Variants in SLC38A12 observed in about 807,000 individuals in gnomAD.
SLC38A12 encodes the protein putative sodium-coupled neutral amino acid transporter 12.
the SLC38A12 span, among the ~76,000 whole-genome samples, chr17:74,811,038 A>T: frequency 1.3e-4 from 20 of 152,248 alleles, no homozygotes; most frequent in African/African-American, 4.3e-4. Context: ...TCAAATAAGA[A>T]TAGTACTGGG....
At chr17:74,819,493 C>T in the SLC38A12 span, among the ~76,000 whole-genome samples, 3 of 152,342 alleles carry the variant, frequency 2.0e-5, no homozygotes, top group East Asian at 5.8e-4. Context: ...ACACCTGGGC[C>T]TTGCCTAGGA....
At chr17:74,801,064 G>A in the SLC38A12 span, among the ~76,000 whole-genome samples, 7 of 152,182 alleles carry the variant, frequency 4.6e-5, no homozygotes, top group African/African-American at 9.7e-5. Flanking sequence ...GCCTGGAGGG[G>A]GAAGGGTGTT....
At chr17:74,813,855 T>C in the SLC38A12 span, among the ~76,000 whole-genome samples, 8 of 152,182 alleles carry the variant, frequency 5.3e-5, no homozygotes, top group African/African-American at 1.9e-4. Flanking sequence ...TTCCCCTTTT[T>C]TGAGGGAACT....
chr17:74,823,369 G>T, the SLC38A12 span, among the ~76,000 whole-genome samples: 4 of 152,266 alleles, frequency 2.6e-5, no homozygotes, highest in Non-Finnish European at 5.9e-5. Context: ...GGAGACTGCA[G>T]GCCCTGGAGC....
chr17:74,793,158 G>A, the SLC38A12 span, among the ~76,000 whole-genome samples: 2 of 152,200 alleles, frequency 1.3e-5, no homozygotes, highest in African/African-American at 2.4e-5. Flanking sequence ...CACACTTAAA[G>A]GGAGTCTCCT....
At chr17:74,790,754 A>G in the SLC38A12 span, among the ~76,000 whole-genome samples, 3 of 146,894 alleles carry the variant, frequency 2.0e-5, no homozygotes, top group Non-Finnish European at 1.5e-5. Context: ...CCCCAGCAGG[A>G]GCATCTCTGA....
At chr17:74,795,492 G>A in the SLC38A12 span, 1 of 1,604,482 alleles carries the variant, frequency 6.2e-7, no homozygotes, top group South Asian at 1.1e-5. Context: ...CGGCCTCGCT[G>A]AGCCTGGGCC....
the SLC38A12 span, among the ~76,000 whole-genome samples, chr17:74,792,568 G>A: frequency 1.5e-3 from 229 of 152,274 alleles, 1 homozygote; most frequent in African/African-American, 5.3e-3. Context: ...AACTGTCTTC[G>A]AAGATTTTCT....
chr17:74,803,342 C>T, the SLC38A12 span, among the ~76,000 whole-genome samples: 75 of 152,244 alleles, frequency 4.9e-4, no homozygotes, highest in African/African-American at 1.7e-3. Flanking sequence ...ATAGGCAGCC[C>T]ACCTGAAAGC....
chr17:74,805,999 C>T, the SLC38A12 span, among the ~76,000 whole-genome samples: 1 of 152,302 alleles, frequency 6.6e-6, no homozygotes, highest in South Asian at 2.1e-4. The surrounding 1 kb of genome is among the most constrained non-coding windows in gnomAD (Gnocchi z 5.0). Flanking sequence ...GAGACGCAAG[C>T]GGCCTCATGG....
the SLC38A12 span, among the ~76,000 whole-genome samples, chr17:74,824,199 G>A: frequency 4.1e-4 from 63 of 152,334 alleles, no homozygotes; most frequent in South Asian, 3.7e-3. Context: ...GCTGTGGTGC[G>A]TGGAGAGGAG....
chr17:74,815,855 T>C, the SLC38A12 span, among the ~76,000 whole-genome samples: 1 of 152,214 alleles, frequency 6.6e-6, no homozygotes, highest in Non-Finnish European at 1.5e-5. Flanking sequence ...AGGCTCCAGT[T>C]AGTGACTGAG....
the SLC38A12 span, among the ~76,000 whole-genome samples, chr17:74,812,036 A>C: frequency 1.5e-5 from 2 of 136,542 alleles, no homozygotes; most frequent in African/African-American, 6.2e-5. Context: ...ACAGTGCCTC[A>C]AAAAAAAAAA....
the SLC38A12 span, among the ~76,000 whole-genome samples, chr17:74,814,439 C>T: frequency 6.6e-6 from 1 of 152,214 alleles, no homozygotes; most frequent in African/African-American, 2.4e-5. Flanking sequence ...GCACTCTCTT[C>T]TTCATGGAGG....
the SLC38A12 span, among the ~76,000 whole-genome samples, chr17:74,817,516 C>A: frequency 2.0e-5 from 3 of 152,130 alleles, no homozygotes; most frequent in African/African-American, 7.2e-5. Context: ...GATTCATATT[C>A]CTGGTCACTC....
chr17:74,828,604 A>T, the SLC38A12 span, among the ~76,000 whole-genome samples: 1 of 152,054 alleles, frequency 6.6e-6, no homozygotes, highest in Non-Finnish European at 1.5e-5. Flanking sequence ...CCTTATGGAG[A>T]TGTCCCTCTG....
At chr17:74,808,816 GT>G in the SLC38A12 span, among the ~76,000 whole-genome samples, 1 of 152,222 alleles carries the variant, frequency 6.6e-6, no homozygotes, top group Non-Finnish European at 1.5e-5. Flanking sequence ...CACAGCGTGT[GT>G]TCTGGGCAGA....
the SLC38A12 span, among the ~76,000 whole-genome samples, chr17:74,813,887 T>C: frequency 6.6e-6 from 1 of 152,170 alleles, no homozygotes; most frequent in African/African-American, 2.4e-5. Context: ...ATGAGTGTTG[T>C]TGAATTTCAT....
chr17:74,803,474 G>A, the SLC38A12 span, among the ~76,000 whole-genome samples: 490 of 152,272 alleles, frequency 3.2e-3, 2 homozygotes, highest in African/African-American at 0.011. Flanking sequence ...TGGTTGGGAA[G>A]CTTCCAGGCA....
Sources: allele counts gnomAD v4.1 joint callset (sites outside exome capture counted in the v4.1 genomes callset), GRCh38; gene constraint gnomAD v4.1.1; non-coding constraint Gnocchi (gnomAD v3.1); transcripts MANE v1.5; gene names NCBI Gene and HGNC (gene_info 2026-07-23, HGNC 2026-07-21).